The following FGD3 variants were observed in gnomAD, a reference collection of about 807,000 sequenced individuals.
FGD3 encodes the protein FYVE, RhoGEF and PH domain-containing protein 3.
Under a neutral mutation model 71.8 loss-of-function variants are expected in FGD3, and 45 were observed. The observed-to-expected ratio is 0.63, with a 90% CI of 0.49 to 0.80. FGD3 has a LOEUF of 0.80. Among genes scored for constraint, FGD3 ranks in the 30% least tolerant of loss-of-function variants. FGD3 has a pLI of 0.00. For missense variants in FGD3, 844 were observed against 951.5 expected, an observed-to-expected ratio of 0.89 and a Z score of 1.49; for synonymous variants, 378 against 392.8, an observed-to-expected ratio of 0.96 and a Z score of 0.44.
intron 16 of FGD3, 165 bp from the exon 17 acceptor site, chr9:93,034,376 C>G (rs940670790): frequency 4.5e-6 from 4 of 890,120 alleles, no homozygotes; most frequent in African/African-American, 1.7e-5. Flanking sequence ...TTCTAGTGAC[C>G]CTTGCAAGCC....
chr9:92,986,165 A>G (rs1048276295), intron 3 of FGD3, among the ~76,000 whole-genome samples: 3 of 152,136 alleles, frequency 2.0e-5, no homozygotes, highest in African/African-American at 7.2e-5. Flanking sequence ...ATGATAATCT[A>G]TCAGCCTTTA....
chr9:93,011,930 G>A (rs1316077093), intron 8 of FGD3, among the ~76,000 whole-genome samples: 4 of 151,570 alleles, frequency 2.6e-5, no homozygotes, highest in South Asian at 2.1e-4. Flanking sequence ...AGGCCGAGGC[G>A]GGTGGATCAT....
intron 3 of FGD3, among the ~76,000 whole-genome samples, chr9:93,000,826 G>T (rs1860832143): frequency 6.6e-6 from 1 of 152,028 alleles, no homozygotes; most frequent in South Asian, 2.1e-4. Context: ...TAAGTCCATT[G>T]CTTTCCTCAA....
intron 14 of FGD3, among the ~76,000 whole-genome samples, chr9:93,028,876 C>T (rs768340149): frequency 6.6e-6 from 1 of 152,112 alleles, no homozygotes; most frequent in Non-Finnish European, 1.5e-5. Flanking sequence ...CCCCAGGCTA[C>T]ACCTGCTCCA....
intron 3 of FGD3, among the ~76,000 whole-genome samples, chr9:92,982,106 A>G (rs1317900907): frequency 6.6e-6 from 1 of 152,156 alleles, no homozygotes; most frequent in Non-Finnish European, 1.5e-5. Context: ...GCAATTTTAT[A>G]TCCTTTAACA....
rs745976241 is a variant in FGD3 at position 93,034,631 on chromosome 9, G to A, written c.1876G>A (p.Ala626Thr). The A allele has an allele frequency of 1.4e-5, 22 of 1,613,260 alleles. No individual in the cohort carries two copies. Among genetic ancestry groups the A allele is most frequent in the Middle Eastern group, 1.6e-4 (1 of 6,080 alleles). ...TGAGACCTGGAGCGAGGTGTGGGCC[G>A]CCATCCCCATGTCAGATCCCCAGGT... ...SGETWSEVWA[A>T]IPMSDPQVLH... Residue 626 changes from alanine (A) to threonine (T), a missense_variant, in exon 17 of 18, where the codon GCC (alanine) becomes ACC (threonine). Ala to Thr is a moderately conservative substitution (Grantham distance 58). Coordinates refer to ENST00000375482, the MANE Select transcript of FGD3 (RefSeq NM_001083536.2).
At chr9:93,028,221 C>CACACGG (rs60496877) in intron 14 of FGD3, among the ~76,000 whole-genome samples, 4 of 129,966 alleles carry the variant, frequency 3.1e-5, no homozygotes, top group African/African-American at 1.1e-4. Flanking sequence ...CACACACGCA[C>CACACGG]ACACACACAC....
At chr9:92,962,074 T>G (rs1339711519) in intron 1 of FGD3, among the ~76,000 whole-genome samples, 1 of 152,174 alleles carries the variant, frequency 6.6e-6, no homozygotes, top group African/African-American at 2.4e-5. Context: ...ATGTTTCTTT[T>G]TGAATGATGT....
intron 1 of FGD3, among the ~76,000 whole-genome samples, chr9:92,964,654 C>T (rs1004737654): frequency 6.6e-6 from 1 of 152,180 alleles, no homozygotes; most frequent in Admixed American, 6.5e-5. Flanking sequence ...CTGGGGGTGG[C>T]TTAGGCTCTC....
chr9:92,982,720 A>G (rs1860044480), intron 3 of FGD3, among the ~76,000 whole-genome samples: 1 of 151,890 alleles, frequency 6.6e-6, no homozygotes, highest in Admixed American at 6.6e-5. Flanking sequence ...CTCTATTCTA[A>G]TATCACAATC....
chr9:93,006,263 T>C, intron 6 of FGD3, 83 bp downstream of exon 6: 7 of 1,274,290 alleles, frequency 5.5e-6, no homozygotes, highest in African/African-American at 1.5e-5. Context: ...AACATATGTA[T>C]ATATGTATAT....
At chr9:92,976,764 G>C (rs1267767058) in intron 3 of FGD3, 55 bp downstream of exon 3, 1 of 1,482,342 alleles carries the variant, frequency 6.7e-7, no homozygotes, top group Non-Finnish European at 9.0e-7. Context: ...CCTTAGGAGG[G>C]GTTTGAGATT....
At chr9:93,027,137 C>A (rs956715102) in intron 14 of FGD3, among the ~76,000 whole-genome samples, 3 of 152,170 alleles carry the variant, frequency 2.0e-5, no homozygotes, top group Non-Finnish European at 4.4e-5. Context: ...TGCAGCACAG[C>A]GAGTGAGAGT....
At chr9:92,973,623 T>G (rs1281956787) in intron 1 of FGD3, among the ~76,000 whole-genome samples, 2 of 152,236 alleles carry the variant, frequency 1.3e-5, no homozygotes. Flanking sequence ...CCATCATTCC[T>G]GAAGCAAGAC....
In FGD3 at chr9:92,972,246, C is replaced by G. The variant is rs911457546; in HGVS notation, c.-217-2992C>G. Among the ~76,000 whole-genome samples, 4 of 150,878 alleles carry G rather than the reference C, an allele frequency of 2.7e-5. No homozygotes were observed. The East Asian group carries it at 7.8e-4, about 29-fold the overall frequency. On this transcript the variant is annotated intron_variant, in intron 1 of 17. Transcript: ENST00000375482. The stretch of plus-strand genomic sequence containing the variant: ...GGAGGATCACTTGAGGTCAGGAGTT[C>G]GAGACCAGTCTGGCCAACATGGTGA...
intron 17 of FGD3, among the ~76,000 whole-genome samples, chr9:93,034,977 C>G (rs1862535186): frequency 6.6e-6 from 1 of 152,142 alleles, no homozygotes; most frequent in African/African-American, 2.4e-5. Context: ...GGAACCCACA[C>G]AGCCCTGGCC....
chr9:92,964,478 G>C (rs1859241517), intron 1 of FGD3: 1 of 152,288 alleles, frequency 6.6e-6, no homozygotes, highest in Admixed American at 6.5e-5. Context: ...TTTCAAGGCA[G>C]GAAGTGGCTG....
At chr9:92,977,302 A>T (rs1474517216) in intron 3 of FGD3, among the ~76,000 whole-genome samples, 1 of 152,100 alleles carries the variant, frequency 6.6e-6, no homozygotes, top group Non-Finnish European at 1.5e-5. Flanking sequence ...TTGCGTTCTC[A>T]TTAGCGTTTA....
chr9:92,968,758 C>T (rs10992558), intron 1 of FGD3, among the ~76,000 whole-genome samples: 15,857 of 151,964 alleles, frequency 0.1, 857 homozygotes, highest in East Asian at 0.16. Context: ...CAAGCCATCA[C>T]GCCTGGCTAA....
Sources: gnomAD v4.1 joint callset for allele counts (sites outside exome capture counted in the v4.1 genomes callset) on GRCh38, gnomAD v4.1.1 for gene constraint, MANE v1.5 for transcripts, NCBI Gene and HGNC (gene_info 2026-07-23, HGNC 2026-07-21) for gene names.